Variants in SCFD1 observed in about 807,000 individuals in gnomAD.
The protein encoded by SCFD1 is sec1 family domain containing 1.
Under a neutral mutation model 103.2 loss-of-function variants are expected in SCFD1, and 37 were observed. The observed-to-expected ratio is 0.36, with a 90% CI of 0.28 to 0.47. The LOEUF is 0.47. Ranked by LOEUF, SCFD1 falls within the 20% of genes least tolerant of loss-of-function variation. The pLI, the probability that SCFD1 is intolerant of heterozygous loss-of-function variation, is 1.00. For missense variants in SCFD1, 639 were observed against 761.2 expected, an observed-to-expected ratio of 0.84 and a Z score of 1.89; for synonymous variants, 264 against 245.0, an observed-to-expected ratio of 1.08 and a Z score of -0.73.
chr14:30,638,486 GA>G (rs1413722781), intron 5 of SCFD1, among the ~76,000 whole-genome samples: 8 of 152,262 alleles, frequency 5.3e-5, no homozygotes, highest in African/African-American at 1.7e-4. Flanking sequence ...ATAAAAAGCA[GA>G]ATGAGTTTTG....
At chr14:30,646,288 T>C (rs970460548) in intron 7 of SCFD1, among the ~76,000 whole-genome samples, 2 of 152,254 alleles carry the variant, frequency 1.3e-5, no homozygotes, top group Non-Finnish European at 2.9e-5. Context: ...CCCAAAGTGC[T>C]GGAATTACAG....
intron 1 of SCFD1, among the ~76,000 whole-genome samples, chr14:30,622,715 A>G (rs909502756): frequency 6.6e-6 from 1 of 152,104 alleles, no homozygotes; most frequent in Non-Finnish European, 1.5e-5. Flanking sequence ...GTTGCCACCT[A>G]TGAGGTCTCC....
intron 21 of SCFD1, 93 bp from the exon 22 acceptor site, chr14:30,721,791 C>T: frequency 9.8e-7 from 1 of 1,020,558 alleles, no homozygotes; most frequent in South Asian, 1.4e-5. Flanking sequence ...TAAATACTTA[C>T]CTAATAGTGC....
intron 7 of SCFD1, among the ~76,000 whole-genome samples, chr14:30,646,570 C>T (rs757925801): frequency 1.3e-5 from 2 of 152,038 alleles, no homozygotes; most frequent in African/African-American, 2.4e-5. Flanking sequence ...GGGTATCAGA[C>T]TGAAGTTTTA....
chr14:30,682,676 C>A (rs893547934), intron 14 of SCFD1, among the ~76,000 whole-genome samples: 3 of 152,084 alleles, frequency 2.0e-5, no homozygotes, highest in Non-Finnish European at 4.4e-5. Flanking sequence ...GATTATAATG[C>A]AGCATTACTG....
chr14:30,660,792 G>A (rs1168920371), intron 10 of SCFD1, among the ~76,000 whole-genome samples: 1 of 151,986 alleles, frequency 6.6e-6, no homozygotes, highest in Non-Finnish European at 1.5e-5. Context: ...TATTACAGTT[G>A]TTCATTTTGA....
intron 20 of SCFD1, 152 bp from the exon 21 acceptor site, chr14:30,719,173 G>T: frequency 1.6e-6 from 1 of 626,450 alleles, no homozygotes; most frequent in Non-Finnish European, 2.8e-6. Flanking sequence ...TAGAATAAAG[G>T]TTAGCACATA....
intron 23 of SCFD1, 126 bp downstream of exon 23, chr14:30,722,685 A>G (rs1048337404): frequency 1.7e-5 from 8 of 483,848 alleles, no homozygotes; most frequent in African/African-American, 1.6e-4. Flanking sequence ...AAAATCATGC[A>G]TATATGATTT....
chr14:30,690,508 T>C (rs1890190049), intron 14 of SCFD1, among the ~76,000 whole-genome samples: 1 of 121,538 alleles, frequency 8.2e-6, no homozygotes, highest in Non-Finnish European at 1.6e-5. Context: ...GGATATAGTC[T>C]CGTGGTGCGC....
chr14:30,693,364 GAAAA>G (rs1301824992), intron 14 of SCFD1, among the ~76,000 whole-genome samples: 1 of 152,116 alleles, frequency 6.6e-6, no homozygotes, highest in Non-Finnish European at 1.5e-5. Context: ...AGGACGGGGT[GAAAA>G]ATAAGGCTTC....
At chr14:30,695,968 T>G (rs1890673468) in intron 15 of SCFD1, among the ~76,000 whole-genome samples, 1 of 152,244 alleles carries the variant, frequency 6.6e-6, no homozygotes, top group Non-Finnish European at 1.5e-5. Flanking sequence ...TTGTGGGATC[T>G]ACATAGAGTC....
chr14:30,677,827 CTTTTTTTTTTTT>C (rs58942207), intron 14 of SCFD1, among the ~76,000 whole-genome samples: 30 of 67,510 alleles, frequency 4.4e-4, no homozygotes, highest in South Asian at 1.6e-3. Flanking sequence ...ACCTAAGCAC[CTTTTTTTTTTTT>C]TTTTTTTTTT....
chr14:30,676,691 A>G (rs994478098), intron 14 of SCFD1: 3 of 151,256 alleles, frequency 2.0e-5, no homozygotes, highest in African/African-American at 7.3e-5. Flanking sequence ...GGAAAGAGTG[A>G]TGGTAGAATA....
Position 30,726,606 on chromosome 14 carries a change from C to T in SCFD1, c.1836+4047C>T, listed in dbSNP as rs763351419. On this transcript the variant is annotated intron_variant, in intron 23 of 24. Coordinates refer to ENST00000458591, the MANE Select transcript of SCFD1 (RefSeq NM_016106.4). ...TTCCCATAAATTCATTCTTTTTGCT[C>T]GCTCTGCCAAGATACCAGGCCATTT... Among the ~76,000 whole-genome samples, 16 of 152,168 alleles carry T rather than the reference C, an allele frequency of 1.1e-4. No homozygotes were observed. In the East Asian group the frequency reaches 1.3e-3, roughly 13 times the overall value.
At position 30,670,454 on chromosome 14, in the gene SCFD1, T is replaced by C. The variant is rs1888429879; in HGVS notation, c.995+59T>C. ...TTTTTAAAGAGAAATTAAGGTGTCA[T>C]CCACCTTAATGAATTTGAGAAAAAA... On this transcript the variant is annotated intron_variant, in intron 11 of 24. Coordinates refer to ENST00000458591, the MANE Select transcript of SCFD1 (RefSeq NM_016106.4). 2.4e-6 allele frequency: 3 copies of C among 1,251,436 alleles called. No homozygotes were observed. The South Asian group carries it at 4.8e-5, about 20-fold the overall frequency. The allele number at this position is 1,251,436 out of a possible 1,614,324, so 77.5% of individuals were successfully genotyped here. A position where few individuals can be genotyped will look rare whatever the true frequency, so the allele number is the denominator to read the frequency against.
intron 19 of SCFD1, among the ~76,000 whole-genome samples, chr14:30,712,073 T>TTTTTTTTTTTTTTTTTTTTTTTTTTTTG (rs1356742706): frequency 6.6e-6 from 1 of 151,988 alleles, no homozygotes; most frequent in East Asian, 1.9e-4. Context: ...TTTATAATTT[T>TTTTTTTTTTTTTTTTTTTTTTTTTTTTG]AAATTTTGGA....
chr14:30,626,747 G>A (rs778566764), intron 1 of SCFD1, among the ~76,000 whole-genome samples: 1 of 152,132 alleles, frequency 6.6e-6, no homozygotes, highest in Non-Finnish European at 1.5e-5. Flanking sequence ...CTCTTCTTAG[G>A]CCTCTCAAAC....
intron 15 of SCFD1, among the ~76,000 whole-genome samples, chr14:30,698,995 C>T (rs759838646): frequency 1.3e-5 from 2 of 152,084 alleles, no homozygotes; most frequent in Admixed American, 1.3e-4. Flanking sequence ...AAAATAGAAT[C>T]GATGATGGAA....
chr14:30,712,717 T>A (rs1891971920), intron 19 of SCFD1, among the ~76,000 whole-genome samples: 1 of 152,198 alleles, frequency 6.6e-6, no homozygotes, highest in Non-Finnish European at 1.5e-5. Flanking sequence ...TGAAGAACTT[T>A]AATTTAGGAT....
Sources: allele counts gnomAD v4.1 joint callset (sites outside exome capture counted in the v4.1 genomes callset), GRCh38; gene constraint gnomAD v4.1.1; transcripts MANE v1.5; gene names NCBI Gene and HGNC (gene_info 2026-07-23, HGNC 2026-07-21).